Variants in RBAK observed in about 807,000 individuals in gnomAD.
The protein encoded by RBAK is RB associated KRAB zinc finger, also known as RB-associated KRAB zinc finger protein.
In RBAK, 39 loss-of-function variants were observed where a neutral mutation model predicts 65.8. The observed-to-expected ratio is 0.59, with a 90% CI of 0.46 to 0.77. RBAK has a LOEUF of 0.77. Among genes scored for constraint, RBAK ranks in the 30% least tolerant of loss-of-function variants. The probability of loss-of-function intolerance (pLI) is 0.00; values close to 1 mark genes in which losing one functional copy is unlikely to be tolerated. For synonymous variants in RBAK, 343 were observed against 289.7 expected (o/e 1.18, Z -1.87); for missense variants, 884 against 855.1 (o/e 1.03, Z -0.42).
intron 4 of RBAK, among the ~76,000 whole-genome samples, chr7:5,058,044 C>T (rs1778971532): frequency 6.7e-6 from 1 of 148,302 alleles, no homozygotes; most frequent in Non-Finnish European, 1.5e-5. Context: ...ACTCCCTTGC[C>T]ATTACAGAAT....
rs1262921831 is a variant in RBAK, at chr7:5,064,895, C to T, written c.1439C>T (p.Thr480Ile). 1 of 1,613,820 alleles carries T rather than the reference C, an allele frequency of 6.2e-7. No homozygotes were observed. The highest frequency in any genetic ancestry group is 8.5e-7 in the Non-Finnish European group (1 of 1,179,876). ...TTCATTAGACATCGGAAAGTACACA[C>T]AGAAGAGAAATCCCATGAATGTAGT... is the stretch of plus-strand genomic sequence containing the variant. ...SAFIRHRKVH[T>I]EEKSHECSEC... Residue 480 changes from threonine to isoleucine, a missense_variant, in exon 5 of 5, where the codon ACA becomes ATA. By Grantham distance (89) the Thr-to-Ile change is moderately conservative (BLOSUM62 -1). Coordinates refer to ENST00000396912, the MANE Select transcript of RBAK (RefSeq NM_021163.4). The surrounding 1 kb of genome is among the most constrained non-coding windows in gnomAD (Gnocchi z 6.3).
At position 5,068,388 on chromosome 7, in the gene RBAK, G is replaced by T. The variant is rs969248964; in HGVS notation, c.*2787G>T. 6.6e-6 allele frequency: 1 copy of T among 152,148 alleles called. No homozygotes were observed. The highest frequency in any genetic ancestry group is 1.5e-5 in the Non-Finnish European group (1 of 68,046). 9.4% of individuals were successfully genotyped at this position (152,148 alleles called of 1,614,324 possible). A position where few individuals can be genotyped will look rare whatever the true frequency, so the allele number is the denominator to read the frequency against. ...TAAAGAGCACCTACAAATCAACAAG[G>T]GGGAAACTGGAAAAGGCAAAAGACT... On this transcript the variant is annotated 3_prime_UTR_variant, in exon 5 of 5. Transcript: ENST00000396912.
In RBAK at chr7:5,046,316, C is replaced by G. The variant is rs1259912970; in HGVS notation, c.-125C>G. On this transcript the variant is annotated 5_prime_UTR_variant, in exon 1 of 5. Coordinates refer to ENST00000396912, the MANE Select transcript of RBAK (RefSeq NM_021163.4). ...GTGAGGTGGACAGGAGGGGACCTCG[C>G]GAGCAGACGCGCGCCAGCGACAGCA... 7 of 516,096 alleles carry G rather than the reference C, an allele frequency of 1.4e-5. No individual in the cohort carries two copies. Among genetic ancestry groups the G allele is most frequent in the South Asian group, 8.4e-5 (6 of 71,386 alleles). The allele number at this position is 516,096 out of a possible 1,614,324, so 32.0% of individuals were successfully genotyped here.
At chr7:5,062,927 T>C (rs1344695592) in intron 4 of RBAK, among the ~76,000 whole-genome samples, 1 of 152,212 alleles carries the variant, frequency 6.6e-6, no homozygotes, top group African/African-American at 2.4e-5. Context: ...ATTGCTGTTT[T>C]CCTGTTCTTT....
intron 2 of RBAK, among the ~76,000 whole-genome samples, chr7:5,052,019 C>T (rs1476875637): frequency 1.3e-5 from 2 of 152,154 alleles, no homozygotes; most frequent in Non-Finnish European, 2.9e-5. Context: ...TTCTCTTTCT[C>T]TTTGCAATTT....
chr7:5,065,699 C>A lies in RBAK; in HGVS notation c.*98C>A. The stretch of plus-strand genomic sequence containing the variant: ...TTATCTGAGAGTTCGTGTTCCTGAA[C>A]GGTGAGAAGCATTTAGGCATTAGAG... On this transcript the variant is annotated 3_prime_UTR_variant, in exon 5 of 5. Coordinates refer to ENST00000396912, the MANE Select transcript of RBAK (RefSeq NM_021163.4). The surrounding 1 kb of genome is among the most constrained non-coding windows in gnomAD (Gnocchi z 5.3). 1.1e-6 allele frequency: 1 copy of A among 876,668 alleles called. No homozygotes were observed. The highest frequency in any genetic ancestry group is 1.6e-6 in the Non-Finnish European group (1 of 618,342). 54.3% of individuals were successfully genotyped at this position (876,668 alleles called of 1,614,324 possible). A position where few individuals can be genotyped will look rare whatever the true frequency, so the allele number is the denominator to read the frequency against.
At position 5,063,978 on chromosome 7, in the gene RBAK, A is replaced by T. The variant is rs781094867; in HGVS notation, c.522A>T (p.Gly174=). The T allele has an allele frequency of 2.5e-5, 41 of 1,613,858 alleles. No homozygotes were observed. Among genetic ancestry groups the T allele is most frequent in the Non-Finnish European group, 3.5e-5 (41 of 1,179,972 alleles). The change falls in exon 5 of 5, where the codon GGA becomes GGT. Residue 174 remains glycine, a synonymous_variant. Transcript: ENST00000396912. The stretch of plus-strand genomic sequence containing the variant: ...ATGAATGTGGGAAAACATATCATGG[A>T]GAGAAAATGTGTGAATTTAATCAAA... ...ECNECGKTYH[G]EKMCEFNQNG...
rs1342884622 is a variant in RBAK at position 5,046,096 on chromosome 7, G to C, written c.-345G>C. 3.2e-6 allele frequency: 1 copy of C among 311,928 alleles called. No homozygotes were observed. Among genetic ancestry groups the C allele is most frequent in the Non-Finnish European group, 6.1e-6 (1 of 164,374 alleles). 19.3% of individuals were successfully genotyped at this position (311,928 alleles called of 1,614,324 possible). A position where few individuals can be genotyped will look rare whatever the true frequency, so the allele number is the denominator to read the frequency against. Reference sequence around the variant, plus strand: ...GGCGCTGGGGCCAGAGGGGCCGGACGGGAGGTGGCGGAGGTGGCGGCGGAG... The same window carrying C: ...GGCGCTGGGGCCAGAGGGGCCGGACCGGAGGTGGCGGAGGTGGCGGCGGAG... On this transcript the variant is annotated 5_prime_UTR_variant, in exon 1 of 5. Transcript: ENST00000396912.
At position 5,064,638 on chromosome 7, in the gene RBAK, T is replaced by A; in HGVS notation, c.1182T>A (p.Thr394=). 6.2e-7 allele frequency: 1 copy of A among 1,613,398 alleles called. No homozygotes were observed. The highest frequency in any genetic ancestry group is 8.5e-7 in the Non-Finnish European group (1 of 1,179,548). Residue 394 remains threonine (T), a synonymous_variant, in exon 5 of 5, where the codon ACT becomes ACA. Coordinates refer to ENST00000396912, the MANE Select transcript of RBAK (RefSeq NM_021163.4). This position sits in a 1 kb window ranked among gnomAD's most constrained non-coding sequence, Gnocchi z 6.3. ...CTGCTCTCAGTGACCATCAGAGAACTCACACGGGAGAGAAGCTTTATAAAT... is the reference window on the plus strand; with the variant it reads ...CTGCTCTCAGTGACCATCAGAGAACACACACGGGAGAGAAGCTTTATAAAT... ...RKSALSDHQR[T]HTGEKLYKCN...
intron 2 of RBAK, among the ~76,000 whole-genome samples, chr7:5,054,600 T>C (rs902832175): frequency 5.9e-5 from 9 of 151,840 alleles, no homozygotes; most frequent in African/African-American, 2.2e-4. Context: ...TTCTAATATA[T>C]ATATTTTTTT....
intron 2 of RBAK, among the ~76,000 whole-genome samples, chr7:5,049,722 G>GTTTCTTTTTTTC (rs1788074043): frequency 6.6e-6 from 1 of 151,844 alleles, no homozygotes; most frequent in Non-Finnish European, 1.5e-5. Flanking sequence ...GTTTTGTTCT[G>GTTTCTTTTTTTC]TTTCTTTTTT....
At chr7:5,047,579 G>A (rs1007293081) in intron 1 of RBAK, among the ~76,000 whole-genome samples, 10 of 147,204 alleles carry the variant, frequency 6.8e-5, no homozygotes, top group Middle Eastern at 7.2e-3. Context: ...TGCATGCTTC[G>A]CCTATCACTC....
Position 5,046,214 on chromosome 7 carries a change from C to T in RBAK, c.-227C>T, listed in dbSNP as rs1244734481. 2.0e-6 allele frequency: 1 copy of T among 497,106 alleles called. No individual in the cohort carries two copies. Among genetic ancestry groups the T allele is most frequent in the Non-Finnish European group, 4.0e-6 (1 of 250,806 alleles). The allele number at this position is 497,106 out of a possible 1,614,324, so 30.8% of individuals were successfully genotyped here. ...TACGGTGAGCCCGAGGGAGGCGGATCTGGGTCCCGGGAAGGACACCCGCCT... is the reference window on the plus strand; with the variant it reads ...TACGGTGAGCCCGAGGGAGGCGGATTTGGGTCCCGGGAAGGACACCCGCCT... On this transcript the variant is annotated 5_prime_UTR_variant, in exon 1 of 5. Transcript: ENST00000396912.
chr7:5,064,304 A>G lies in RBAK; in HGVS notation c.848A>G (p.His283Arg), dbSNP rs1779159908. The G allele has an allele frequency of 6.2e-7, 1 of 1,614,174 alleles. No homozygotes were observed. The highest frequency in any genetic ancestry group is 8.5e-7 in the Non-Finnish European group (1 of 1,180,006). ...KSKFIIHQRAHTGEKPYECNV... is the reference protein window; with the variant it reads ...KSKFIIHQRARTGEKPYECNV... ...AAATTCATCATCCACCAGAGGGCTC[A>G]CACAGGAGAGAAACCTTATGAATGT... Residue 283 changes from histidine to arginine, a missense_variant, in exon 5 of 5, where the codon CAC (histidine) becomes CGC (arginine). Coordinates refer to ENST00000396912, the MANE Select transcript of RBAK (RefSeq NM_021163.4). This position sits in a 1 kb window ranked among gnomAD's most constrained non-coding sequence, Gnocchi z 6.3.
rs755483350 is a variant in RBAK, at chr7:5,046,227, A to G, written c.-214A>G. 38 of 506,854 alleles carry G rather than the reference A, an allele frequency of 7.5e-5. No individual in the cohort carries two copies. The highest frequency in any genetic ancestry group is 5.0e-4 in the South Asian group (35 of 69,870). The allele number at this position is 506,854 out of a possible 1,614,324, so 31.4% of individuals were successfully genotyped here. On this transcript the variant is annotated 5_prime_UTR_variant, in exon 1 of 5. Coordinates refer to ENST00000396912, the MANE Select transcript of RBAK (RefSeq NM_021163.4). Reference sequence around the variant, plus strand: ...AGGGAGGCGGATCTGGGTCCCGGGAAGGACACCCGCCTGGATTTGCCCCTT... The same window carrying G: ...AGGGAGGCGGATCTGGGTCCCGGGAGGGACACCCGCCTGGATTTGCCCCTT...
chr7:5,051,396 G>T (rs1303691379), intron 2 of RBAK, among the ~76,000 whole-genome samples: 6 of 151,808 alleles, frequency 4.0e-5, no homozygotes, highest in Non-Finnish European at 8.8e-5. Flanking sequence ...GATTTGTCAT[G>T]CCTCTTTACC....
intron 2 of RBAK, among the ~76,000 whole-genome samples, chr7:5,053,758 A>G (rs1401751153): frequency 6.6e-6 from 1 of 152,086 alleles, no homozygotes; most frequent in Admixed American, 6.5e-5. Flanking sequence ...TATAATTTTC[A>G]TCTCAGATAT....
chr7:5,062,967 A>C (rs554544775), intron 4 of RBAK, among the ~76,000 whole-genome samples: 1 of 152,320 alleles, frequency 6.6e-6, no homozygotes, highest in African/African-American at 2.4e-5. Context: ...CATATTGTTC[A>C]AACACACGTG....
chr7:5,058,707 C>A (rs1272876698), intron 4 of RBAK, among the ~76,000 whole-genome samples: 1 of 152,190 alleles, frequency 6.6e-6, no homozygotes, highest in Non-Finnish European at 1.5e-5. Flanking sequence ...TTCCCCATAA[C>A]TGGAATCATG....
Sources: allele counts gnomAD v4.1 joint callset (sites outside exome capture counted in the v4.1 genomes callset), GRCh38; gene constraint gnomAD v4.1.1; non-coding constraint Gnocchi (gnomAD v3.1); transcripts MANE v1.5; gene names NCBI Gene and HGNC (gene_info 2026-07-23, HGNC 2026-07-21).